CLEC2D: variants seen among roughly 807,000 people sequenced by gnomAD.
The protein encoded by CLEC2D is C-type lectin domain family 2 member D.
CLEC2D carries 16 observed loss-of-function variants against 20.0 expected under a neutral mutation model. That is an observed-to-expected ratio of 0.80 (90% CI 0.54 to 1.22). The LOEUF (loss-of-function observed/expected upper bound fraction) is 1.22, where lower values mean the gene tolerates loss of function less well. Ranked by LOEUF, CLEC2D falls within the 50% of genes most tolerant of loss-of-function variation. The probability of loss-of-function intolerance (pLI) is 0.00; values close to 1 mark genes in which losing one functional copy is unlikely to be tolerated. For synonymous variants in CLEC2D, 77 were observed against 71.1 expected (o/e 1.08, Z -0.42); for missense variants, 207 against 221.5 (o/e 0.93, Z 0.42).
intron 2 of CLEC2D, among the ~76,000 whole-genome samples, chr12:9,686,113 C>A (rs1865743414): frequency 6.6e-6 from 1 of 151,788 alleles, no homozygotes; most frequent in South Asian, 2.1e-4. Flanking sequence ...AGTTCTCCCA[C>A]CCCTTGTGCT....
rs1226655704 is a variant in CLEC2D, at chr12:9,683,322, G to GTTTTTTTTTTTTTTTTTTTT, written c.172+2295_172+2296insTTTTTTTTTTTTTTTTTTTT. The stretch of plus-strand genomic sequence containing the variant: ...TGCCTGTTCACTCTGATGATAGTTT[G>GTTTTTTTTTTTTTTTTTTTT]TTTTTTGTGTTTGTTTTTTTTTTTT... On this transcript the variant is annotated intron_variant, in intron 2 of 4. Transcript: ENST00000290855. Among the ~76,000 whole-genome samples the GTTTTTTTTTTTTTTTTTTTT allele has an allele frequency of 2.5e-5, 2 of 80,880 alleles. 1 individual carries two copies. Among genetic ancestry groups the GTTTTTTTTTTTTTTTTTTTT allele is most frequent in the Non-Finnish European group, 4.8e-5 (2 of 41,860 alleles). 53.1% of individuals were successfully genotyped at this position (80,880 alleles called of 152,430 possible).
intron 1 of CLEC2D, among the ~76,000 whole-genome samples, chr12:9,675,910 CTG>C (rs1437038811): frequency 2.6e-5 from 4 of 152,250 alleles, no homozygotes; most frequent in African/African-American, 9.6e-5. Flanking sequence ...GTATATGGCA[CTG>C]TGTTCTCAAT....
intron 1 of CLEC2D, among the ~76,000 whole-genome samples, chr12:9,676,267 T>A (rs1225893358): frequency 6.6e-6 from 1 of 152,176 alleles, no homozygotes; most frequent in Admixed American, 6.5e-5. Context: ...TACTTGAGGA[T>A]GTTAGCTGTA....
chr12:9,678,712 T>A lies in CLEC2D; in HGVS notation c.62-2211T>A, dbSNP rs750420068. Among the ~76,000 whole-genome samples the A allele has an allele frequency of 2.6e-5, 4 of 152,180 alleles. No individual in the cohort carries two copies. In the East Asian group the frequency reaches 5.8e-4, roughly 22 times the overall value. Reference sequence around the variant, plus strand: ...GCCACAAAGCCTGGCTAATTTTTATTTAATTTTTGTAGCGACAGAGTCTTT... The same window carrying A: ...GCCACAAAGCCTGGCTAATTTTTATATAATTTTTGTAGCGACAGAGTCTTT... On this transcript the variant is annotated intron_variant, in intron 1 of 4. Coordinates refer to ENST00000290855, the MANE Select transcript of CLEC2D (RefSeq NM_013269.6).
rs757072519 is a variant in CLEC2D, at chr12:9,688,007, C to G, written c.278C>G (p.Thr93Ser). The change falls in exon 3 of 5, where the codon ACC becomes AGC. Residue 93 changes from threonine to serine, a missense_variant. Transcript: ENST00000290855. ...QRKCFYFSDD[T>S]KNWTSSQRFC... ...AAGTGTTTCTATTTTTCTGATGACACCAAGAACTGGACATCAAGTCAGAGG... is the reference window on the plus strand; with the variant it reads ...AAGTGTTTCTATTTTTCTGATGACAGCAAGAACTGGACATCAAGTCAGAGG... 7.4e-6 allele frequency: 12 copies of G among 1,612,658 alleles called. No individual in the cohort carries two copies. Among genetic ancestry groups the G allele is most frequent in the Non-Finnish European group, 1.0e-5 (12 of 1,179,380 alleles).
intron 1 of CLEC2D, chr12:9,680,114 C>T (rs1044437833): frequency 4.7e-5 from 8 of 171,270 alleles, no homozygotes; most frequent in Admixed American, 1.1e-4. Flanking sequence ...TGGTTACCCT[C>T]GTGCTGTTCT....
chr12:9,686,808 A>G (rs1487837768), intron 2 of CLEC2D, among the ~76,000 whole-genome samples: 6 of 152,260 alleles, frequency 3.9e-5, no homozygotes, highest in Non-Finnish European at 8.8e-5. Context: ...AAGCCTGTCC[A>G]GTGAAGTATT....
rs148482913 is a variant in CLEC2D, at chr12:9,695,916, G to T, written c.*1042G>T. 1.6e-5 allele frequency: 20 copies of T among 1,236,216 alleles called. No individual in the cohort carries two copies. The East Asian group carries it at 3.9e-4, about 24-fold the overall frequency. 76.6% of individuals were successfully genotyped at this position (1,236,216 alleles called of 1,614,324 possible). The stretch of plus-strand genomic sequence containing the variant: ...ATGACGAGGAAGCTGAAGAAAAAGC[G>T]CCAGTGAAGAAATCTATACGAGATA... On this transcript the variant is annotated 3_prime_UTR_variant, in exon 5 of 5. Coordinates refer to ENST00000290855, the MANE Select transcript of CLEC2D (RefSeq NM_013269.6).
At position 9,698,502 on chromosome 12, in the gene CLEC2D, C is replaced by T. The variant is rs1866054010; in HGVS notation, c.*3628C>T. 6.6e-6 allele frequency: 1 copy of T among 152,108 alleles called. No homozygotes were observed. Among genetic ancestry groups the T allele is most frequent in the Non-Finnish European group, 1.5e-5 (1 of 67,974 alleles). 9.4% of individuals were successfully genotyped at this position (152,108 alleles called of 1,614,324 possible). ...ATAAAATTGGACCCTTACCTCCTACCATATATAAAAACCAACTGAAAATCG... is the reference window on the plus strand; with the variant it reads ...ATAAAATTGGACCCTTACCTCCTACTATATATAAAAACCAACTGAAAATCG... On this transcript the variant is annotated 3_prime_UTR_variant, in exon 5 of 5. Transcript: ENST00000290855.
Position 9,697,111 on chromosome 12 carries a change from CCCCCAAAATCTGGCCATAAACTCA to C in CLEC2D, c.*2246_*2269del, listed in dbSNP as rs1339659867. On this transcript the variant is annotated 3_prime_UTR_variant, in exon 5 of 5. Transcript: ENST00000290855. ...AAATCCTGTTATGTTGGGAACAAGC[CCCCCAAAATCTGGCCATAAACTCA>C]CCCCAAAACTGGCCATAAACAAAAT... The C allele has an allele frequency of 1.3e-5, 2 of 151,788 alleles. No homozygotes were observed. Among genetic ancestry groups the C allele is most frequent in the African/African-American group, 4.8e-5 (2 of 41,292 alleles). 9.4% of individuals were successfully genotyped at this position (151,788 alleles called of 1,614,324 possible). A position where few individuals can be genotyped will look rare whatever the true frequency, so the allele number is the denominator to read the frequency against.
At chr12:9,682,527 A>G (rs994560010) in intron 2 of CLEC2D, among the ~76,000 whole-genome samples, 22 of 151,664 alleles carry the variant, frequency 1.5e-4, no homozygotes, top group Non-Finnish European at 2.1e-4. Context: ...TTGCCCCCCA[A>G]CCCTCAACAC....
rs1395146524 is a variant in CLEC2D at position 9,695,778 on chromosome 12, T to C, written c.*904T>C. ...AGTCAGAAGATGAAGAAGAGGAGGA[T>C]GTGAAACTCTTAAGTATATCTGGAA... On this transcript the variant is annotated 3_prime_UTR_variant, in exon 5 of 5. Transcript: ENST00000290855. 3.0e-6 allele frequency: 4 copies of C among 1,346,026 alleles called. No individual in the cohort carries two copies. The highest frequency in any genetic ancestry group is 4.2e-6 in the Non-Finnish European group (4 of 949,284). 83.4% of individuals were successfully genotyped at this position (1,346,026 alleles called of 1,614,324 possible).
At chr12:9,678,668 C>G (rs1029528644) in intron 1 of CLEC2D, among the ~76,000 whole-genome samples, 1 of 152,052 alleles carries the variant, frequency 6.6e-6, no homozygotes, top group African/African-American at 2.4e-5. Context: ...GCCCTGAGTA[C>G]CTGGTATTAC....
intron 3 of CLEC2D, among the ~76,000 whole-genome samples, chr12:9,688,875 C>T (rs1591700816): frequency 6.6e-6 from 1 of 152,122 alleles, no homozygotes; most frequent in South Asian, 2.1e-4. Context: ...TCTAGTTAAA[C>T]ACTGGAAGCA....
At chr12:9,671,411 G>A (rs914672557) in intron 1 of CLEC2D, among the ~76,000 whole-genome samples, 34 of 152,188 alleles carry the variant, frequency 2.2e-4, no homozygotes, top group African/African-American at 8.2e-4. Context: ...TAGTAGAGAC[G>A]GGGTTTCACC....
Position 9,695,554 on chromosome 12 carries a change from C to A in CLEC2D, c.*680C>A, listed in dbSNP as rs186933386. 2.8e-5 allele frequency: 38 copies of A among 1,344,520 alleles called. No individual in the cohort carries two copies. The Admixed American group carries it at 4.7e-4, about 17-fold the overall frequency. The allele number at this position is 1,344,520 out of a possible 1,614,324, so 83.3% of individuals were successfully genotyped here. On this transcript the variant is annotated 3_prime_UTR_variant, in exon 5 of 5. Transcript: ENST00000290855. ...AGGGGCTGGTGCAAAGGATGAACTG[C>A]ACATTGTTGAAGCAGAGGCCATGAA...
intron 3 of CLEC2D, among the ~76,000 whole-genome samples, chr12:9,691,186 C>T (rs773269184): frequency 5.3e-5 from 8 of 150,616 alleles, no homozygotes; most frequent in African/African-American, 2.0e-4. Context: ...GGGCATTATG[C>T]ATTGACAAAA....
At chr12:9,687,810 A>AGT (rs779809771) in intron 2 of CLEC2D, 92 bp from the exon 3 acceptor site, 4 of 667,038 alleles carry the variant, frequency 6.0e-6, no homozygotes, top group Non-Finnish European at 9.1e-6. Context: ...ACTTAACAGG[A>AGT]GTGTCAGAAA....
chr12:9,685,694 T>C (rs1471641017), intron 2 of CLEC2D, among the ~76,000 whole-genome samples: 2 of 152,174 alleles, frequency 1.3e-5, no homozygotes, highest in Non-Finnish European at 2.9e-5. Context: ...TAATGGCGGA[T>C]GCACCTCCCC....
Sources: gnomAD v4.1 joint callset for allele counts (sites outside exome capture counted in the v4.1 genomes callset) on GRCh38, gnomAD v4.1.1 for gene constraint, MANE v1.5 for transcripts, NCBI Gene and HGNC (gene_info 2026-07-23, HGNC 2026-07-21) for gene names.